Variants in RPS6KA5 observed in about 807,000 individuals in gnomAD.
RPS6KA5 encodes the protein ribosomal protein S6 kinase A5.
A neutral mutation model predicts 85.5 loss-of-function variants in RPS6KA5; 27 were observed. That is an observed-to-expected ratio of 0.32 (90% confidence interval 0.23 to 0.44). The LOEUF is 0.44. Ranked by LOEUF, RPS6KA5 falls within the 20% of genes least tolerant of loss-of-function variation. The pLI, the probability that RPS6KA5 is intolerant of heterozygous loss-of-function variation, is 1.00. For synonymous variants in RPS6KA5, 334 were observed against 348.2 expected, an observed-to-expected ratio of 0.96 and a Z score of 0.46; for missense variants, 811 against 980.9, an observed-to-expected ratio of 0.83 and a Z score of 2.31.
In RPS6KA5 at chr14:90,995,756, A is replaced by G. The variant is rs879595072; in HGVS notation, c.175+5332T>C. Among the ~76,000 whole-genome samples the G allele has an allele frequency of 2.0e-5, 3 of 152,268 alleles. No individual in the cohort carries two copies. The East Asian group carries it at 5.8e-4, about 29-fold the overall frequency. ...GCATAGATACCTGGCAAGAGTAAGG[A>G]AAATTCCTTATCTAGCACTTTAGAG... On this transcript the variant is annotated intron_variant, in intron 2 of 16. Transcript: ENST00000614987.
chr14:90,986,526 A>C (rs573012735), intron 2 of RPS6KA5, among the ~76,000 whole-genome samples: 1 of 152,254 alleles, frequency 6.6e-6, no homozygotes, highest in Non-Finnish European at 1.5e-5. Flanking sequence ...CTCTATTTAT[A>C]TCTCAAAAGA....
chr14:90,952,042 C>A (rs2038218830), intron 3 of RPS6KA5, among the ~76,000 whole-genome samples: 1 of 152,088 alleles, frequency 6.6e-6, no homozygotes, highest in African/African-American at 2.4e-5. Flanking sequence ...CAGGTATGCC[C>A]CTCTACTTCT....
chr14:91,017,159 C>G (rs974182229), intron 1 of RPS6KA5, among the ~76,000 whole-genome samples: 2 of 152,190 alleles, frequency 1.3e-5, no homozygotes, highest in Admixed American at 6.5e-5. Flanking sequence ...AATCTGCCAG[C>G]AGCAGAGACC....
At chr14:90,964,676 G>C (rs2038968117) in intron 3 of RPS6KA5, among the ~76,000 whole-genome samples, 3 of 152,058 alleles carry the variant, frequency 2.0e-5, no homozygotes, top group African/African-American at 7.2e-5. Context: ...CACTTTGGGA[G>C]ACTGAGATGG....
At chr14:90,959,707 G>T (rs2038699963) in intron 3 of RPS6KA5, among the ~76,000 whole-genome samples, 1 of 152,190 alleles carries the variant, frequency 6.6e-6, no homozygotes, top group African/African-American at 2.4e-5. Context: ...TAGCTTCCAT[G>T]AACCATGGTG....
chr14:90,994,078 A>G (rs528467799), intron 2 of RPS6KA5, among the ~76,000 whole-genome samples: 1 of 152,186 alleles, frequency 6.6e-6, no homozygotes, highest in African/African-American at 2.4e-5. Flanking sequence ...GTTTTTCTAG[A>G]GGCAGGGTCT....
intron 16 of RPS6KA5, among the ~76,000 whole-genome samples, chr14:90,873,319 T>C (rs1266513352): frequency 2.6e-5 from 4 of 152,210 alleles, no homozygotes; most frequent in African/African-American, 9.6e-5. Context: ...TAGTTCCTAA[T>C]GTTTATTATG....
intron 3 of RPS6KA5, among the ~76,000 whole-genome samples, chr14:90,969,088 G>A (rs991797830): frequency 1.3e-5 from 2 of 152,110 alleles, no homozygotes; most frequent in Admixed American, 6.6e-5. Flanking sequence ...TATGTATATG[G>A]AAAGGCAGGT....
At position 90,871,599 on chromosome 14, in the gene RPS6KA5, T is replaced by C. The variant is rs1277437551; in HGVS notation, c.*475A>G. On this transcript the variant is annotated 3_prime_UTR_variant, in exon 17 of 17. Transcript: ENST00000614987. ...AAAATCTTCTCTCAAGAAATAAGTA[T>C]ATGCCACACATAAAATTCATTACAG... 3 of 152,440 alleles carry C rather than the reference T, an allele frequency of 2.0e-5. No homozygotes were observed. The highest frequency in any genetic ancestry group is 4.4e-5 in the Non-Finnish European group (3 of 68,320). 9.4% of individuals were successfully genotyped at this position (152,440 alleles called of 1,614,324 possible).
chr14:91,045,455 G>A (rs2042831664), intron 1 of RPS6KA5, among the ~76,000 whole-genome samples: 1 of 152,018 alleles, frequency 6.6e-6, no homozygotes, highest in Non-Finnish European at 1.5e-5. Flanking sequence ...GTAGAGATGG[G>A]GTTTCGCCGT....
intron 2 of RPS6KA5, among the ~76,000 whole-genome samples, chr14:90,983,807 CTCTCTCTCTG>C (rs1471484600): frequency 1.6e-5 from 2 of 126,286 alleles, no homozygotes; most frequent in African/African-American, 6.5e-5. Context: ...CTCTCTCTCT[CTCTCTCTCTG>C]TCTCTCTCTC....
intron 1 of RPS6KA5, among the ~76,000 whole-genome samples, chr14:91,016,466 T>C (rs747447498): frequency 1.3e-5 from 2 of 152,196 alleles, no homozygotes; most frequent in Non-Finnish European, 1.5e-5. Flanking sequence ...ATCACCAATT[T>C]TTAACATTCT....
At chr14:91,039,022 A>C (rs1288208208) in intron 1 of RPS6KA5, among the ~76,000 whole-genome samples, 1 of 152,162 alleles carries the variant, frequency 6.6e-6, no homozygotes, top group Non-Finnish European at 1.5e-5. Flanking sequence ...CTTGTCCTCA[A>C]GATTTCAAAA....
chr14:90,908,787 G>A (rs2035648309), intron 7 of RPS6KA5, among the ~76,000 whole-genome samples: 1 of 152,250 alleles, frequency 6.6e-6, no homozygotes, highest in South Asian at 2.1e-4. Flanking sequence ...CCTCCTGGAA[G>A]TGAGCTGCAT....
chr14:90,964,149 G>A (rs1469307133), intron 3 of RPS6KA5, among the ~76,000 whole-genome samples: 1 of 152,142 alleles, frequency 6.6e-6, no homozygotes, highest in African/African-American at 2.4e-5. Flanking sequence ...CTAATTTTCT[G>A]ATAATAAAAA....
intron 3 of RPS6KA5, among the ~76,000 whole-genome samples, chr14:90,966,290 A>G (rs2039058192): frequency 6.6e-6 from 1 of 152,238 alleles, no homozygotes. Context: ...GAGTACAGGA[A>G]GGTGGTCTTC....
At chr14:90,996,788 G>A (rs2040541842) in intron 2 of RPS6KA5, among the ~76,000 whole-genome samples, 1 of 152,006 alleles carries the variant, frequency 6.6e-6, no homozygotes, top group Non-Finnish European at 1.5e-5. Context: ...AATAAGAATA[G>A]CAATTTGTTT....
intron 7 of RPS6KA5, among the ~76,000 whole-genome samples, chr14:90,908,028 C>T (rs552834367): frequency 6.6e-5 from 10 of 152,342 alleles, no homozygotes; most frequent in African/African-American, 2.2e-4. Context: ...TCTTAGCATA[C>T]TGACTCTGCA....
chr14:90,972,013 T>C (rs182424710), intron 3 of RPS6KA5, among the ~76,000 whole-genome samples: 36 of 152,214 alleles, frequency 2.4e-4, no homozygotes, highest in African/African-American at 7.5e-4. Flanking sequence ...GAAGACCCCA[T>C]TTACAAAAGC....
Sources: allele counts gnomAD v4.1 joint callset (sites outside exome capture counted in the v4.1 genomes callset), GRCh38; gene constraint gnomAD v4.1.1; transcripts MANE v1.5; gene names NCBI Gene and HGNC (gene_info 2026-07-23, HGNC 2026-07-21).